GGH: variants seen among roughly 807,000 people sequenced by gnomAD.
GGH encodes gamma-glutamyl hydrolase.
In GGH, 18 loss-of-function variants were observed where a neutral mutation model predicts 39.2. The ratio of observed to expected loss-of-function variants is 0.46; its 90% CI spans 0.32 to 0.68. GGH has a LOEUF of 0.68. Ranked by LOEUF, GGH falls within the 30% of genes least tolerant of loss-of-function variation. GGH has a pLI of 0.04. For synonymous variants in GGH, 147 were observed against 138.8 expected, an observed-to-expected ratio of 1.06 and a Z score of -0.42; for missense variants, 367 against 384.1, an observed-to-expected ratio of 0.96 and a Z score of 0.37.
intron 7 of GGH, among the ~76,000 whole-genome samples, chr8:63,019,772 T>A (rs188754299): frequency 3.3e-5 from 5 of 152,316 alleles, no homozygotes; most frequent in Non-Finnish European, 2.9e-5. Context: ...TCCTCCTCAT[T>A]CCTTTCATCC....
At chr8:63,018,056 T>C (rs1333077397) in intron 7 of GGH, 1 of 154,360 alleles carries the variant, frequency 6.5e-6, no homozygotes, top group African/African-American at 2.4e-5. Flanking sequence ...CTGGTATCCT[T>C]TTACACCCTG....
In GGH at chr8:63,035,040, C is replaced by T. The variant is rs187639453; in HGVS notation, c.224+616G>A. Among the ~76,000 whole-genome samples, 3 of 152,220 alleles carry T rather than the reference C, an allele frequency of 2.0e-5. No individual in the cohort carries two copies. In the East Asian group the frequency reaches 5.8e-4, roughly 29 times the overall value. On this transcript the variant is annotated intron_variant, in intron 2 of 8. Coordinates refer to ENST00000260118, the MANE Select transcript of GGH (RefSeq NM_003878.3). The stretch of plus-strand genomic sequence containing the variant: ...TTATCCCTCACCCCGCCCCCCCAAC[C>T]ACTTTAGATTATTTTACTCCATTAC...
chr8:63,019,572 A>G (rs1804548960), intron 7 of GGH, among the ~76,000 whole-genome samples: 1 of 151,984 alleles, frequency 6.6e-6, no homozygotes, highest in Admixed American at 6.6e-5. Context: ...GTCAAAGCCA[A>G]AGTGAACTGG....
chr8:63,034,151 A>G (rs971988521), intron 2 of GGH, among the ~76,000 whole-genome samples: 1 of 151,328 alleles, frequency 6.6e-6, no homozygotes, highest in Middle Eastern at 3.4e-3. Flanking sequence ...TGTTCTGAAG[A>G]CTCTCTGGAG....
intron 4 of GGH, 32 bp from the exon 5 acceptor site, chr8:63,026,328 T>C (rs768352529): frequency 2.0e-5 from 31 of 1,557,708 alleles, no homozygotes; most frequent in Non-Finnish European, 2.7e-5. Context: ...AAACTAAGTT[T>C]ATTCAAACTT....
chr8:63,020,227 A>G (rs552511202), intron 7 of GGH, among the ~76,000 whole-genome samples: 2 of 152,326 alleles, frequency 1.3e-5, no homozygotes, highest in Non-Finnish European at 2.9e-5. Flanking sequence ...CAAGAGTGGA[A>G]AGAAAATATG....
At position 63,018,657 on chromosome 8, in the gene GGH, C is replaced by T. The variant is rs140463448; in HGVS notation, c.698-1027G>A. Among the ~76,000 whole-genome samples, 784 of 152,292 alleles carry T rather than the reference C, an allele frequency of 5.1e-3. 9 individuals carry two copies. The highest frequency in any genetic ancestry group is 0.018 in the African/African-American group (764 of 41,554). ...CTTCCGTGTGACACTGCCGTTTTTC[C>T]CCTCTATTCTGGGACTACCTGTGAA... On this transcript the variant is annotated intron_variant, in intron 7 of 8. Coordinates refer to ENST00000260118, the MANE Select transcript of GGH (RefSeq NM_003878.3).
chr8:63,023,778 G>C lies in GGH; in HGVS notation c.697+129C>G, dbSNP rs73268679. On this transcript the variant is annotated intron_variant, in intron 7 of 8. Transcript: ENST00000260118. Reference sequence around the variant, plus strand: ...GAAACATGGACAAAACATGTCTCCTGTCTCCCAAAATGCCCTAACACCCCT... The same window carrying C: ...GAAACATGGACAAAACATGTCTCCTCTCTCCCAAAATGCCCTAACACCCCT... The C allele has an allele frequency of 0.012, 6,638 of 562,406 alleles. 357 individuals are homozygous for C. In the African/African-American group the frequency reaches 0.12, roughly 10 times the overall value. 34.8% of individuals were successfully genotyped at this position (562,406 alleles called of 1,614,324 possible). A position where few individuals can be genotyped will look rare whatever the true frequency, so the allele number is the denominator to read the frequency against.
chr8:63,017,612 T>C lies in GGH; in HGVS notation c.716A>G (p.Tyr239Cys), dbSNP rs767573320. 4.4e-6 allele frequency: 7 copies of C among 1,595,452 alleles called. No individual in the cohort carries two copies. Among genetic ancestry groups the C allele is most frequent in the African/African-American group, 2.7e-5 (2 of 74,476 alleles). ...TTTCTCTGGATGCCACTGGACACCA[T>C]ATACTGGATACTTATATCCTGTAAG... The part of the protein sequence containing the change: ...STMEGYKYPV[Y>C]GVQWHPEKAP... Residue 239 changes from tyrosine to cysteine, a missense_variant, in exon 8 of 9, where the codon TAT (tyrosine) becomes TGT (cysteine). Tyr to Cys is a radical substitution (Grantham distance 194). Coordinates refer to ENST00000260118, the MANE Select transcript of GGH (RefSeq NM_003878.3).
At chr8:63,035,544 G>A in intron 2 of GGH, 112 bp downstream of exon 2, 1 of 1,436,794 alleles carries the variant, frequency 7.0e-7, no homozygotes. Context: ...GACCTCAGTA[G>A]TCCACCCGCC....
At chr8:63,036,757 T>A (rs544846258) in intron 1 of GGH, among the ~76,000 whole-genome samples, 2 of 152,242 alleles carry the variant, frequency 1.3e-5, no homozygotes, top group East Asian at 3.9e-4. Context: ...GGAGTCAGAT[T>A]TGTGCCTGTC....
chr8:63,016,645 CAAT>C (rs1804492329), intron 8 of GGH, among the ~76,000 whole-genome samples: 1 of 152,192 alleles, frequency 6.6e-6, no homozygotes, highest in Admixed American at 6.5e-5. Flanking sequence ...TTTTTTCTAA[CAAT>C]GTTATAATGA....
At chr8:63,030,950 G>GAA (rs1804791683) in intron 2 of GGH, among the ~76,000 whole-genome samples, 1 of 152,166 alleles carries the variant, frequency 6.6e-6, no homozygotes, top group Non-Finnish European at 1.5e-5. Flanking sequence ...ACAGATATCT[G>GAA]CTCTCCCGAA....
At position 63,015,333 on chromosome 8, in the gene GGH, C is replaced by A; in HGVS notation, c.956G>T (p.Ter319LeuextTer6). The change falls in exon 9 of 9, where the codon TGA (stop) becomes TTA (leucine). Residue 319 changes from the stop codon to leucine (L), a stop_lost. Transcript: ENST00000260118. ...SSFQQCYIFD[*>L] ...GCTCTGTTAACAAATTGAAGACTTT[C>A]AATCAAATATGTAACATTGCTGAAA... 1 of 1,379,938 alleles carries A rather than the reference C, an allele frequency of 7.2e-7. No homozygotes were observed. Among genetic ancestry groups the A allele is most frequent in the South Asian group, 1.3e-5 (1 of 77,826 alleles). 85.5% of individuals were successfully genotyped at this position (1,379,938 alleles called of 1,614,324 possible). A position where few individuals can be genotyped will look rare whatever the true frequency, so the allele number is the denominator to read the frequency against.
intron 5 of GGH, among the ~76,000 whole-genome samples, chr8:63,025,653 C>A (rs891277856): frequency 5.9e-5 from 9 of 152,096 alleles, no homozygotes; most frequent in African/African-American, 2.2e-4. Flanking sequence ...ATCCCTTGAA[C>A]CCTGGAGGTA....
At chr8:63,036,973 G>C (rs1185393687) in intron 1 of GGH, among the ~76,000 whole-genome samples, 1 of 152,088 alleles carries the variant, frequency 6.6e-6, no homozygotes, top group Non-Finnish European at 1.5e-5. Context: ...GTGAAACCCA[G>C]CCCCAGCAGA....
chr8:63,017,432 G>C (rs1804504949), intron 8 of GGH, 61 bp downstream of exon 8: 1 of 1,187,236 alleles, frequency 8.4e-7, no homozygotes, highest in South Asian at 1.4e-5. Context: ...CAAAAGTTCA[G>C]ATAAGGGCAA....
At chr8:63,033,836 A>T (rs996564025) in intron 2 of GGH, among the ~76,000 whole-genome samples, 11 of 151,834 alleles carry the variant, frequency 7.2e-5, no homozygotes, top group African/African-American at 2.4e-4. Flanking sequence ...TGTGTACCCA[A>T]TGTTTAGCTC....
chr8:63,029,105 T>G (rs1399247073), intron 3 of GGH, among the ~76,000 whole-genome samples: 2 of 152,158 alleles, frequency 1.3e-5, no homozygotes, highest in Non-Finnish European at 2.9e-5. Flanking sequence ...ATTAACATGG[T>G]TTTAGAAGTA....
Sources: allele counts gnomAD v4.1 joint callset (sites outside exome capture counted in the v4.1 genomes callset), GRCh38; gene constraint gnomAD v4.1.1; transcripts MANE v1.5; gene names NCBI Gene and HGNC (gene_info 2026-07-23, HGNC 2026-07-21).